Variants in CCSER2 observed in about 807,000 individuals in gnomAD.
The protein encoded by CCSER2 is serine-rich coiled-coil domain-containing protein 2.
In CCSER2, 46 loss-of-function variants were observed where a neutral mutation model predicts 92.3. The ratio of observed to expected loss-of-function variants is 0.50; its 90% CI spans 0.39 to 0.64. The LOEUF is 0.64. Ranked by LOEUF, CCSER2 falls within the 30% of genes least tolerant of loss-of-function variation. CCSER2 has a pLI of 0.00. For missense variants in CCSER2, 1,244 were observed against 1,238.9 expected (o/e 1.00, Z -0.06); for synonymous variants, 433 against 431.4 (o/e 1.00, Z -0.04).
chr10:84,426,002 G>C (rs1274896855), intron 5 of CCSER2, 109 bp downstream of exon 5: 1 of 691,300 alleles, frequency 1.4e-6, no homozygotes, highest in East Asian at 3.1e-5. Context: ...TTTGTTTTTA[G>C]AGGCACCAAA....
At chr10:84,459,052 G>A (rs1170103133) in intron 6 of CCSER2, among the ~76,000 whole-genome samples, 1 of 152,150 alleles carries the variant, frequency 6.6e-6, no homozygotes, top group Non-Finnish European at 1.5e-5. Context: ...GTGTTGCCCA[G>A]ACTGGAATGC....
At chr10:84,416,588 T>TA (rs1842896904) in intron 3 of CCSER2, among the ~76,000 whole-genome samples, 2 of 152,232 alleles carry the variant, frequency 1.3e-5, no homozygotes, top group Admixed American at 1.3e-4. Flanking sequence ...GAAACAGTTT[T>TA]AATTTTATTC....
intron 9 of CCSER2, among the ~76,000 whole-genome samples, chr10:84,483,915 G>T (rs1589784065): frequency 7.5e-6 from 1 of 132,510 alleles, no homozygotes; most frequent in African/African-American, 2.8e-5. Context: ...CTCCCAAGTA[G>T]CTGATACCAC....
intron 3 of CCSER2, among the ~76,000 whole-genome samples, chr10:84,390,424 A>G (rs561435277): frequency 1.4e-3 from 216 of 152,304 alleles, no homozygotes; most frequent in African/African-American, 4.9e-3. Flanking sequence ...ATATTAGCCT[A>G]TTGCTCTTAG....
At chr10:84,437,150 CAGAGAGAG>C (rs71013323) in intron 5 of CCSER2, among the ~76,000 whole-genome samples, 11 of 77,208 alleles carry the variant, frequency 1.4e-4, no homozygotes, top group South Asian at 9.7e-4. Context: ...CACACACACA[CAGAGAGAG>C]AGAGAGAGAG....
At chr10:84,475,368 T>G (rs1451856789) in intron 8 of CCSER2, among the ~76,000 whole-genome samples, 1 of 152,224 alleles carries the variant, frequency 6.6e-6, no homozygotes, top group Non-Finnish European at 1.5e-5. Flanking sequence ...TTTATATATG[T>G]TGACATGTCA....
intron 1 of CCSER2, among the ~76,000 whole-genome samples, chr10:84,341,036 A>AT (rs1844147396): frequency 1.6e-5 from 2 of 126,334 alleles, no homozygotes; most frequent in Admixed American, 8.3e-5. Context: ...TCAATGTAAC[A>AT]CTTTTTTTTT....
At chr10:84,397,160 TC>T in intron 3 of CCSER2, among the ~76,000 whole-genome samples, 2 of 152,310 alleles carry the variant, frequency 1.3e-5, no homozygotes, top group Middle Eastern at 6.8e-3. Flanking sequence ...CCAGTGACTT[TC>T]TACTCTTACC....
At chr10:84,449,299 C>T (rs577192709) in intron 6 of CCSER2, among the ~76,000 whole-genome samples, 30 of 152,186 alleles carry the variant, frequency 2.0e-4, no homozygotes, top group African/African-American at 5.8e-4. Context: ...CACTTGAACA[C>T]GGGAGGCAGA....
rs750828841 is a variant in CCSER2 at position 84,513,411 on chromosome 10, T to G, written c.2326-38T>G. The G allele has an allele frequency of 1.0e-5, 15 of 1,476,176 alleles. No homozygotes were observed. The African/African-American group carries it at 1.8e-4, about 18-fold the overall frequency. The allele number at this position is 1,476,176 out of a possible 1,614,324, so 91.4% of individuals were successfully genotyped here. On this transcript the variant is annotated intron_variant, in intron 9 of 9. Transcript: ENST00000372088. ...TTATATTAAATCTGGGTGGAATTTCTAAGAACTTGCTGCTAATGTTGTTTT... is the reference window on the plus strand; with the variant it reads ...TTATATTAAATCTGGGTGGAATTTCGAAGAACTTGCTGCTAATGTTGTTTT...
intron 9 of CCSER2, among the ~76,000 whole-genome samples, chr10:84,508,159 C>T (rs891422162): frequency 6.6e-6 from 1 of 152,140 alleles, no homozygotes; most frequent in African/African-American, 2.4e-5. Flanking sequence ...TGAATTTGAA[C>T]ACGTTAACAT....
Position 84,417,800 on chromosome 10 carries a change from C to A in CCSER2, c.1644C>A (p.Asp548Glu). 1 of 1,590,054 alleles carries A rather than the reference C, an allele frequency of 6.3e-7. No homozygotes were observed. Among genetic ancestry groups the A allele is most frequent in the Non-Finnish European group, 8.6e-7 (1 of 1,158,288 alleles). Residue 548 changes from aspartate (D) to glutamate (E), a missense_variant, in exon 4 of 10, where the codon GAC (aspartate) becomes GAA (glutamate). Transcript: ENST00000372088. ...TTTTGAATAATCTTGAATCATGTGACCTTGAGGATGATGATCTTATGCTTG... is the reference window on the plus strand; with the variant it reads ...TTTTGAATAATCTTGAATCATGTGAACTTGAGGATGATGATCTTATGCTTG... ...IDILNNLESC[D>E]LEDDDLMLDV...
At chr10:84,446,409 G>C (rs1170333154) in intron 6 of CCSER2, among the ~76,000 whole-genome samples, 1 of 152,054 alleles carries the variant, frequency 6.6e-6, no homozygotes, top group African/African-American at 2.4e-5. Flanking sequence ...CCGATTCACT[G>C]TGTGTGGGGG....
At chr10:84,332,413 TATATA>T (rs1193530055) in intron 1 of CCSER2, among the ~76,000 whole-genome samples, 1 of 79,004 alleles carries the variant, frequency 1.3e-5, no homozygotes, top group African/African-American at 6.4e-5. Context: ...TTTATTTTTT[TATATA>T]TATATATATA....
chr10:84,477,770 G>A (rs550856669), intron 9 of CCSER2, 106 bp downstream of exon 9: 64 of 596,590 alleles, frequency 1.1e-4, no homozygotes, highest in African/African-American at 1.0e-3. Context: ...TGTCATGGCT[G>A]TTAATTTTTT....
At chr10:84,378,559 C>T (rs1382600705) in intron 3 of CCSER2, among the ~76,000 whole-genome samples, 1 of 151,682 alleles carries the variant, frequency 6.6e-6, no homozygotes, top group Admixed American at 6.6e-5. Context: ...CTCAGCCTCC[C>T]GAGTAGCTGG....
chr10:84,506,355 C>T (rs541788253), intron 9 of CCSER2, among the ~76,000 whole-genome samples: 1 of 152,288 alleles, frequency 6.6e-6, no homozygotes, highest in Admixed American at 6.5e-5. Flanking sequence ...CATGTGATCT[C>T]TAAAGCGAAA....
chr10:84,373,616 A>C lies in CCSER2; in HGVS notation c.1418-3A>C, dbSNP rs770509327. The C allele has an allele frequency of 2.0e-5, 32 of 1,597,508 alleles. No homozygotes were observed. Among genetic ancestry groups the C allele is most frequent in the Non-Finnish European group, 2.6e-6 (3 of 1,168,266 alleles). Reference sequence around the variant, plus strand: ...TGAATCAGTAACCTTTTTTCTCTTGAAGACAGGAGTGAATGTACAAAACAT... The same window carrying C: ...TGAATCAGTAACCTTTTTTCTCTTGCAGACAGGAGTGAATGTACAAAACAT... On this transcript the variant is annotated splice_region_variant and splice_polypyrimidine_tract_variant and intron_variant, in intron 2 of 9. Coordinates refer to ENST00000372088, the MANE Select transcript of CCSER2 (RefSeq NM_001284240.2).
intron 9 of CCSER2, among the ~76,000 whole-genome samples, chr10:84,492,314 G>A (rs1014163389): frequency 1.3e-5 from 2 of 151,644 alleles, no homozygotes; most frequent in Non-Finnish European, 2.9e-5. Context: ...ATTGATTTCT[G>A]TATATTGACC....
Sources: gnomAD v4.1 joint callset for allele counts (sites outside exome capture counted in the v4.1 genomes callset) on GRCh38, gnomAD v4.1.1 for gene constraint, MANE v1.5 for transcripts, NCBI Gene and HGNC (gene_info 2026-07-23, HGNC 2026-07-21) for gene names.